The following MBP variants were observed in gnomAD, a reference collection of about 807,000 sequenced individuals.
The protein encoded by MBP is myelin basic protein.
In MBP, 16 loss-of-function variants were observed where a neutral mutation model predicts 35.8. That is an observed-to-expected ratio of 0.45 (90% CI 0.30 to 0.68). The LOEUF is 0.68. Ranked by LOEUF, MBP falls within the 30% of genes least tolerant of loss-of-function variation. The pLI, the probability that MBP is intolerant of heterozygous loss-of-function variation, is 0.08. For synonymous variants in MBP, 143 were observed against 159.6 expected (o/e 0.90, Z 0.78); for missense variants, 380 against 404.7 (o/e 0.94, Z 0.52).
At chr18:77,098,203 TAAG>T (rs923983321) in intron 2 of MBP, among the ~76,000 whole-genome samples, 5 of 86,768 alleles carry the variant, frequency 5.8e-5, no homozygotes, top group Non-Finnish European at 1.2e-4. Context: ...ATAATAGCAA[TAAG>T]AAGAAAATTA....
At chr18:77,054,105 C>T (rs1341470358) in intron 3 of MBP, among the ~76,000 whole-genome samples, 1 of 152,218 alleles carries the variant, frequency 6.6e-6, no homozygotes, top group Non-Finnish European at 1.5e-5. Context: ...CCGGTCCCTC[C>T]CCGCCCTGCC....
rs763266668 is a variant in MBP, at chr18:76,988,856, C to G, written c.717+21G>C. Reference sequence around the variant, plus strand: ...GTCTATCAGAAAAGTGATGATCAATCAAAACATTCCAAGGTCTTACCTTTC... The same window carrying G: ...GTCTATCAGAAAAGTGATGATCAATGAAAACATTCCAAGGTCTTACCTTTC... On this transcript the variant is annotated intron_variant, in intron 6 of 8. Coordinates refer to ENST00000355994, the MANE Select transcript of MBP (RefSeq NM_001025101.2). This position sits in a 1 kb window ranked among gnomAD's most constrained non-coding sequence, Gnocchi z 5.2. 3 of 1,608,346 alleles carry G rather than the reference C, an allele frequency of 1.9e-6. No homozygotes were observed. Among genetic ancestry groups the G allele is most frequent in the Non-Finnish European group, 2.5e-6 (3 of 1,176,530 alleles).
intron 2 of MBP, among the ~76,000 whole-genome samples, chr18:77,087,976 A>G (rs1324762610): frequency 6.6e-6 from 1 of 151,930 alleles, no homozygotes; most frequent in Non-Finnish European, 1.5e-5. Flanking sequence ...GGGGAGCGGG[A>G]GGAGCAGGCA....
intron 2 of MBP, among the ~76,000 whole-genome samples, chr18:77,096,539 T>C (rs1264811870): frequency 6.6e-6 from 1 of 152,230 alleles, no homozygotes; most frequent in African/African-American, 2.4e-5. Flanking sequence ...TTACATATGA[T>C]TTTACAGGCT....
intron 3 of MBP, among the ~76,000 whole-genome samples, chr18:77,046,458 C>T (rs749712929): frequency 1.3e-5 from 2 of 152,250 alleles, no homozygotes; most frequent in African/African-American, 2.4e-5. Context: ...TAGGCTGAGG[C>T]ACAGGGAGGG....
intron 3 of MBP, 32 bp downstream of exon 3, chr18:77,066,266 G>A: frequency 6.5e-7 from 1 of 1,545,380 alleles, no homozygotes; most frequent in Non-Finnish European, 8.9e-7. Context: ...GTCACCATGT[G>A]GCGCCATGTT....
chr18:77,037,771 C>T (rs889835385), intron 3 of MBP, among the ~76,000 whole-genome samples: 1 of 152,150 alleles, frequency 6.6e-6, no homozygotes, highest in Non-Finnish European at 1.5e-5. Flanking sequence ...TGGAGTACAT[C>T]GCTGCTGGGT....
At chr18:77,070,230 C>A (rs536955590) in intron 2 of MBP, among the ~76,000 whole-genome samples, 18 of 152,324 alleles carry the variant, frequency 1.2e-4, no homozygotes, top group Non-Finnish European at 2.2e-4. Flanking sequence ...GCCCTCCCTG[C>A]GTCATTGCCC....
chr18:77,094,000 G>A (rs1456105094), intron 2 of MBP, among the ~76,000 whole-genome samples: 2 of 143,810 alleles, frequency 1.4e-5, no homozygotes, highest in East Asian at 2.0e-4. Flanking sequence ...TTTTTGACAC[G>A]GAGTCTCGCT....
chr18:77,055,093 G>A (rs1039641730), intron 3 of MBP, among the ~76,000 whole-genome samples: 1 of 152,250 alleles, frequency 6.6e-6, no homozygotes, highest in African/African-American at 2.4e-5. Context: ...TTCTGGGCAC[G>A]CACATCGTGG....
At chr18:77,127,371 A>C (rs1977085179) in intron 1 of MBP, 1 of 152,220 alleles carries the variant, frequency 6.6e-6, no homozygotes, top group South Asian at 2.1e-4. Flanking sequence ...CCTCAACCTA[A>C]ACCTCACACC....
chr18:77,133,067 C>G (rs980011603), upstream of MBP, among the ~76,000 whole-genome samples: 4 of 152,024 alleles, frequency 2.6e-5, no homozygotes, highest in Non-Finnish European at 1.5e-5. Flanking sequence ...CGACCCTTCC[C>G]GTTCGGAGGC....
chr18:77,016,427 G>A, intron 4 of MBP: 1 of 1,016,846 alleles, frequency 9.8e-7, no homozygotes, highest in Admixed American at 5.2e-5. Context: ...AGGAAAAAAC[G>A]AGCATAACCC....
chr18:77,098,854 C>T (rs9949587), intron 2 of MBP, among the ~76,000 whole-genome samples: 8,546 of 152,264 alleles, frequency 0.056, 687 homozygotes, highest in African/African-American at 0.18. Flanking sequence ...TCCTCCTCCG[C>T]GCTGCATTTT....
At chr18:76,997,047 G>C (rs780044904) in intron 4 of MBP, among the ~76,000 whole-genome samples, 1 of 152,048 alleles carries the variant, frequency 6.6e-6, no homozygotes, top group Admixed American at 6.5e-5. Context: ...TGCCTAGAGC[G>C]TCCTCCCCCT....
At chr18:77,094,386 G>A (rs552870930) in intron 2 of MBP, among the ~76,000 whole-genome samples, 32 of 152,336 alleles carry the variant, frequency 2.1e-4, no homozygotes, top group Admixed American at 1.4e-3. Flanking sequence ...GCTTTGGGGG[G>A]TGCATCACAT....
chr18:77,019,237 T>C (rs1213833473), intron 3 of MBP, among the ~76,000 whole-genome samples: 2 of 152,210 alleles, frequency 1.3e-5, no homozygotes, highest in Non-Finnish European at 2.9e-5. Flanking sequence ...TCCCTCCAAA[T>C]GATATGTCCA....
chr18:76,985,625 G>C, intron 7 of MBP: 1 of 1,054,434 alleles, frequency 9.5e-7, no homozygotes, highest in African/African-American at 1.7e-5. Context: ...TGGCTGGCAC[G>C]GGGGGCGGCC....
At position 77,102,246 on chromosome 18, in the gene MBP, C is replaced by T. The variant is rs1314196290; in HGVS notation, c.51+2965G>A. On this transcript the variant is annotated intron_variant, in intron 2 of 8. Transcript: ENST00000355994. The surrounding 1 kb of genome is among the most constrained non-coding windows in gnomAD (Gnocchi z 4.4). ...ACCGGGCAGCCCCCACCGCAGCTGC[C>T]CTCCCTGCTGACAGATCAGTAACCA... Among the ~76,000 whole-genome samples, 2 of 152,004 alleles carry T rather than the reference C, an allele frequency of 1.3e-5. No individual in the cohort carries two copies. Among genetic ancestry groups the T allele is most frequent in the African/African-American group, 2.4e-5 (1 of 41,368 alleles).
Sources: gnomAD v4.1 joint callset for allele counts (sites outside exome capture counted in the v4.1 genomes callset) on GRCh38, gnomAD v4.1.1 for gene constraint, Gnocchi (gnomAD v3.1) non-coding constraint, MANE v1.5 for transcripts, NCBI Gene and HGNC (gene_info 2026-07-23, HGNC 2026-07-21) for gene names.